Variants in UBAP1 observed in about 807,000 individuals in gnomAD.
UBAP1 encodes the protein ubiquitin-associated protein 1.
In UBAP1, 5 loss-of-function variants were observed where a neutral mutation model predicts 39.0. That is an observed-to-expected ratio of 0.13 (90% CI 0.07 to 0.27). The LOEUF (loss-of-function observed/expected upper bound fraction) is 0.27. UBAP1 is among the 10% of genes least tolerant of loss of function. The probability of loss-of-function intolerance (pLI) is 1.00; values close to 1 mark genes in which losing one functional copy is unlikely to be tolerated. For missense variants in UBAP1, 490 were observed against 608.1 expected (o/e 0.81, Z 2.04); for synonymous variants, 211 against 225.1 (o/e 0.94, Z 0.56).
intron 1 of UBAP1, among the ~76,000 whole-genome samples, chr9:34,186,658 T>A (rs1830423138): frequency 6.6e-6 from 1 of 152,174 alleles, no homozygotes; most frequent in Admixed American, 6.6e-5. Flanking sequence ...TCATTTGTGC[T>A]TCTGCGAAGT....
At chr9:34,251,262 C>T in intron 6 of UBAP1, 130 bp from the exon 7 acceptor site, 2 of 1,009,464 alleles carry the variant, frequency 2.0e-6, no homozygotes, top group Non-Finnish European at 2.9e-6. Flanking sequence ...TATGGAGACT[C>T]ACGGGGCTCT....
At chr9:34,191,245 G>C (rs1394620069) in intron 1 of UBAP1, among the ~76,000 whole-genome samples, 1 of 152,140 alleles carries the variant, frequency 6.6e-6, no homozygotes, top group African/African-American at 2.4e-5. Flanking sequence ...TGAGTCAGTA[G>C]CTCTGGTGTG....
chr9:34,208,525 C>T (rs1315662732), intron 1 of UBAP1, among the ~76,000 whole-genome samples: 3 of 152,076 alleles, frequency 2.0e-5, no homozygotes, highest in Non-Finnish European at 4.4e-5. Context: ...CGCCTGTAAT[C>T]CCAGCACTTT....
At chr9:34,199,536 C>G (rs1321278350) in intron 1 of UBAP1, among the ~76,000 whole-genome samples, 1 of 152,154 alleles carries the variant, frequency 6.6e-6, no homozygotes, top group Non-Finnish European at 1.5e-5. Flanking sequence ...TACCATGATA[C>G]ATTTGTCAAA....
At chr9:34,181,873 T>C (rs1830059211) in intron 1 of UBAP1, among the ~76,000 whole-genome samples, 1 of 150,726 alleles carries the variant, frequency 6.6e-6, no homozygotes, top group Admixed American at 6.7e-5. Flanking sequence ...TGAAATATTT[T>C]TTCATTTTGA....
chr9:34,250,563 C>T (rs750018953), intron 5 of UBAP1, 95 bp from the exon 6 acceptor site: 36 of 927,746 alleles, frequency 3.9e-5, no homozygotes, highest in South Asian at 2.5e-4. Context: ...CTGGGTGGGG[C>T]GGAGAACGGA....
intron 1 of UBAP1, among the ~76,000 whole-genome samples, chr9:34,194,422 C>T (rs1373475988): frequency 6.6e-6 from 1 of 151,840 alleles, no homozygotes; most frequent in Non-Finnish European, 1.5e-5. Flanking sequence ...TCACGCCATT[C>T]TCCTGCCTCA....
intron 4 of UBAP1, among the ~76,000 whole-genome samples, chr9:34,247,051 A>G (rs1388905705): frequency 1.3e-5 from 2 of 152,186 alleles, no homozygotes; most frequent in Non-Finnish European, 2.9e-5. Flanking sequence ...CCATGAATGC[A>G]GTTAATGGTG....
intron 1 of UBAP1, among the ~76,000 whole-genome samples, chr9:34,200,829 T>C (rs553524026): frequency 1.3e-5 from 2 of 152,350 alleles, no homozygotes; most frequent in African/African-American, 4.8e-5. Flanking sequence ...AACCACATGA[T>C]ATATATTCCT....
chr9:34,195,708 C>G (rs1830994220), intron 1 of UBAP1, among the ~76,000 whole-genome samples: 4 of 151,402 alleles, frequency 2.6e-5, no homozygotes, highest in African/African-American at 7.3e-5. Flanking sequence ...AGCGATTCTC[C>G]TGCCTCAGCC....
intron 3 of UBAP1, among the ~76,000 whole-genome samples, chr9:34,237,676 T>TC (rs1249127913): frequency 6.6e-6 from 1 of 152,100 alleles, no homozygotes. Context: ...TTGGTGATCC[T>TC]CCCTCCTCAG....
At chr9:34,251,122 G>A (rs1834495352) in intron 6 of UBAP1, among the ~76,000 whole-genome samples, 1 of 152,176 alleles carries the variant, frequency 6.6e-6, no homozygotes, top group Non-Finnish European at 1.5e-5. Flanking sequence ...GATGGATGTG[G>A]GTGGTGGGAC....
At chr9:34,251,261 T>C in intron 6 of UBAP1, 131 bp from the exon 7 acceptor site, 2 of 994,636 alleles carry the variant, frequency 2.0e-6, no homozygotes, top group Non-Finnish European at 3.0e-6. Flanking sequence ...TTATGGAGAC[T>C]CACGGGGCTC....
chr9:34,189,957 C>T (rs1168733809), intron 1 of UBAP1, among the ~76,000 whole-genome samples: 1 of 151,968 alleles, frequency 6.6e-6, no homozygotes, highest in Admixed American at 6.6e-5. Context: ...ATTCTTTCAT[C>T]AAAGGTTTAT....
At chr9:34,193,361 G>A (rs1000039685) in intron 1 of UBAP1, among the ~76,000 whole-genome samples, 4 of 151,756 alleles carry the variant, frequency 2.6e-5, no homozygotes, top group African/African-American at 4.8e-5. Context: ...CTCAAACCAC[G>A]TTCTTCCTCT....
At chr9:34,179,421 C>G (rs1230716027) in intron 1 of UBAP1, among the ~76,000 whole-genome samples, 181 bp downstream of exon 1, 1 of 151,540 alleles carries the variant, frequency 6.6e-6, no homozygotes, top group Non-Finnish European at 1.5e-5. Context: ...GGAGAAGGGT[C>G]GGAGTGAGGG....
At chr9:34,249,656 A>G in intron 4 of UBAP1, 123 bp from the exon 5 acceptor site, 1 of 940,924 alleles carries the variant, frequency 1.1e-6, no homozygotes, top group Non-Finnish European at 1.6e-6. Flanking sequence ...GATTTCTTCC[A>G]ACCTGACCGC....
At chr9:34,180,753 A>G (rs541539072) in intron 1 of UBAP1, among the ~76,000 whole-genome samples, 3 of 152,100 alleles carry the variant, frequency 2.0e-5, no homozygotes, top group Admixed American at 6.6e-5. Context: ...ATTGCACAGC[A>G]GATAACTTTA....
intron 2 of UBAP1, among the ~76,000 whole-genome samples, chr9:34,227,695 C>T (rs1833176060): frequency 1.3e-5 from 2 of 152,204 alleles, no homozygotes; most frequent in Admixed American, 6.5e-5. Flanking sequence ...ACTGCCACAA[C>T]CGCAGCCATG....
Sources: gnomAD v4.1 joint callset for allele counts (sites outside exome capture counted in the v4.1 genomes callset) on GRCh38, gnomAD v4.1.1 for gene constraint, MANE v1.5 for transcripts, NCBI Gene and HGNC (gene_info 2026-07-23, HGNC 2026-07-21) for gene names.